SEMA3D: variants seen among roughly 807,000 people sequenced by gnomAD.
The protein encoded by SEMA3D is semaphorin 3D.
SEMA3D carries 84 observed loss-of-function variants against 100.1 expected under a neutral mutation model. The ratio of observed to expected loss-of-function variants is 0.84; its 90% confidence interval spans 0.70 to 1.01. SEMA3D has a LOEUF of 1.01. SEMA3D is among the 50% of genes least tolerant of loss of function. SEMA3D has a pLI of 0.00. For missense variants in SEMA3D, 875 were observed against 934.1 expected, an observed-to-expected ratio of 0.94 and a Z score of 0.82; for synonymous variants, 312 against 320.7, an observed-to-expected ratio of 0.97 and a Z score of 0.29.
the SEMA3D span, among the ~76,000 whole-genome samples, chr7:85,245,037 A>C: frequency 6.6e-6 from 1 of 152,134 alleles, no homozygotes; most frequent in Admixed American, 6.6e-5. Flanking sequence ...CTGAAGTGAA[A>C]CATGAAGTGA....
At chr7:85,100,445 A>T (rs1010064980) in intron 3 of SEMA3D, among the ~76,000 whole-genome samples, 1 of 151,378 alleles carries the variant, frequency 6.6e-6, no homozygotes, top group Admixed American at 6.6e-5. Flanking sequence ...ATATTATCTT[A>T]TTTTTTAAAT....
chr7:85,011,078 G>A lies in SEMA3D; in HGVS notation c.1768+1704C>T, dbSNP rs139172220. On this transcript the variant is annotated intron_variant, in intron 17 of 18. Coordinates refer to ENST00000284136, the MANE Select transcript of SEMA3D (RefSeq NM_001384900.1). ...AACAACAAATAACGTAATTTGTAGC[G>A]CTTGCTGATTTTGCTGTTGTAAATA... is the stretch of plus-strand genomic sequence containing the variant. Among the ~76,000 whole-genome samples, 5 of 151,890 alleles carry A rather than the reference G, an allele frequency of 3.3e-5. No homozygotes were observed. In the East Asian group the frequency reaches 5.9e-4, roughly 18 times the overall value.
At chr7:85,092,176 A>T (rs570499473) in intron 4 of SEMA3D, among the ~76,000 whole-genome samples, 2 of 152,186 alleles carry the variant, frequency 1.3e-5, no homozygotes, top group South Asian at 2.1e-4. Flanking sequence ...CTAGTTCAAA[A>T]CCATGAACAA....
chr7:85,028,298 A>G (rs1790447260), intron 12 of SEMA3D: 3 of 709,578 alleles, frequency 4.2e-6, no homozygotes, highest in East Asian at 5.2e-5. Context: ...CATCAGGGCT[A>G]TCAAAGATGC....
At chr7:85,168,556 G>A in intron 1 of SEMA3D, among the ~76,000 whole-genome samples, 1 of 150,560 alleles carries the variant, frequency 6.6e-6, no homozygotes, top group Non-Finnish European at 1.5e-5. Flanking sequence ...TCAGTCATGT[G>A]CCTATGAGCA....
rs1480306655 is a variant in SEMA3D at position 84,997,019 on chromosome 7, A to G, written c.*2421T>C. 1 of 151,692 alleles carries G rather than the reference A, an allele frequency of 6.6e-6. No homozygotes were observed. The highest frequency in any genetic ancestry group is 2.4e-5 in the African/African-American group (1 of 41,374). 9.4% of individuals were successfully genotyped at this position (151,692 alleles called of 1,614,324 possible). A position where few individuals can be genotyped will look rare whatever the true frequency, so the allele number is the denominator to read the frequency against. The stretch of plus-strand genomic sequence containing the variant: ...CTCTATGTTGTTTTTTATTGTGTGA[A>G]ATTTTATTTTACTAATAATATTTTT... On this transcript the variant is annotated 3_prime_UTR_variant, in exon 19 of 19. Transcript: ENST00000284136.
At chr7:85,131,073 T>C (rs1789713649) in intron 2 of SEMA3D, among the ~76,000 whole-genome samples, 2 of 152,118 alleles carry the variant, frequency 1.3e-5, no homozygotes, top group African/African-American at 4.8e-5. Context: ...GTGTTAGTCA[T>C]TTAAAAATCA....
At position 85,096,802 on chromosome 7, in the gene SEMA3D, A is replaced by G. The variant is rs180923614; in HGVS notation, c.312+1003T>C. On this transcript the variant is annotated intron_variant, in intron 4 of 18. Coordinates refer to ENST00000284136, the MANE Select transcript of SEMA3D (RefSeq NM_001384900.1). ...AACTGATATTTGGCTATTAAATCTC[A>G]CAATTAGAGGGTTAAAGTGGTCATT... Among the ~76,000 whole-genome samples the G allele has an allele frequency of 2.8e-3, 424 of 151,994 alleles. 4 individuals carry two copies. The highest frequency in any genetic ancestry group is 9.8e-3 in the African/African-American group (409 of 41,532).
the SEMA3D span, among the ~76,000 whole-genome samples, chr7:85,245,984 A>C: frequency 5.3e-5 from 8 of 152,278 alleles, no homozygotes; most frequent in African/African-American, 1.9e-4. Context: ...CAAAACAAAC[A>C]AATAAAAAAT....
At chr7:85,192,514 G>T in the SEMA3D span, among the ~76,000 whole-genome samples, 45 of 152,114 alleles carry the variant, frequency 3.0e-4, no homozygotes, top group East Asian at 7.3e-3. Context: ...AGTTACTACC[G>T]AACTAGACCA....
At chr7:85,232,373 C>G in the SEMA3D span, among the ~76,000 whole-genome samples, 1 of 152,216 alleles carries the variant, frequency 6.6e-6, no homozygotes, top group Admixed American at 6.5e-5. Flanking sequence ...TAACCCTCAT[C>G]TGAATTGCTC....
intron 2 of SEMA3D, among the ~76,000 whole-genome samples, chr7:85,147,092 C>CTTTTTTTTTTTTTTTT: frequency 0.011 from 538 of 48,124 alleles, 58 homozygotes; most frequent in Middle Eastern, 0.023. Context: ...TTTTTCTTTT[C>CTTTTTTTTTTTTTTTT]TTTTTTTTTT....
rs1484471284 is a variant in SEMA3D at position 84,999,058 on chromosome 7, A to G, written c.*382T>C. 1 of 212,950 alleles carries G rather than the reference A, an allele frequency of 4.7e-6. No individual in the cohort carries two copies. Among genetic ancestry groups the G allele is most frequent in the African/African-American group, 2.3e-5 (1 of 43,022 alleles). The allele number at this position is 212,950 out of a possible 1,614,324, so 13.2% of individuals were successfully genotyped here. On this transcript the variant is annotated 3_prime_UTR_variant, in exon 19 of 19. Coordinates refer to ENST00000284136, the MANE Select transcript of SEMA3D (RefSeq NM_001384900.1). ...TATCTGTTCATAAGAACATAGCACA[A>G]CTGCATGGTAAATTCCATGCTTAAT...
intron 12 of SEMA3D, among the ~76,000 whole-genome samples, chr7:85,023,872 T>G (rs1383602141): frequency 6.6e-6 from 1 of 151,978 alleles, no homozygotes; most frequent in African/African-American, 2.4e-5. Flanking sequence ...TATAAATAAT[T>G]TAAGAATATC....
chr7:85,098,276 C>G (rs1458990096), intron 3 of SEMA3D, among the ~76,000 whole-genome samples: 1 of 151,358 alleles, frequency 6.6e-6, no homozygotes. Flanking sequence ...TATATTTGTA[C>G]CTTAACACAA....
chr7:85,199,411 G>A, the SEMA3D span, among the ~76,000 whole-genome samples: 1 of 152,056 alleles, frequency 6.6e-6, no homozygotes, highest in Non-Finnish European at 1.5e-5. Flanking sequence ...TGCATCACTT[G>A]TAGTTTCTAC....
chr7:85,031,968 A>C (rs1790563288), intron 12 of SEMA3D, among the ~76,000 whole-genome samples: 1 of 151,994 alleles, frequency 6.6e-6, no homozygotes, highest in Non-Finnish European at 1.5e-5. Context: ...GCAGTATATC[A>C]ATCAGATAAA....
At position 85,158,423 on chromosome 7, in the gene SEMA3D, G is replaced by A. The variant is rs375102823; in HGVS notation, c.-172-4684C>T. ...GAAATAAGCCCCGGTCTCCTGTAGC[G>A]CTCCTAGGCTTATTAGGACGAGGAA... On this transcript the variant is annotated intron_variant, in intron 1 of 18. Transcript: ENST00000284136. Among the ~76,000 whole-genome samples, 42 of 152,226 alleles carry A rather than the reference G, an allele frequency of 2.8e-4. No individual in the cohort carries two copies. In the South Asian group the frequency reaches 4.4e-3, roughly 16 times the overall value.
At chr7:85,202,569 AGAAAATT>A in the SEMA3D span, among the ~76,000 whole-genome samples, 2 of 152,110 alleles carry the variant, frequency 1.3e-5, no homozygotes, top group African/African-American at 2.4e-5. Context: ...ACAAAATGGG[AGAAAATT>A]TTCGCAACCT....
Sources: gnomAD v4.1 joint callset for allele counts (sites outside exome capture counted in the v4.1 genomes callset) on GRCh38, gnomAD v4.1.1 for gene constraint, MANE v1.5 for transcripts, NCBI Gene and HGNC (gene_info 2026-07-23, HGNC 2026-07-21) for gene names.